Variants in COLQ observed in about 807,000 individuals in gnomAD.
The protein encoded by COLQ is acetylcholinesterase collagenic tail peptide.
COLQ carries 48 observed loss-of-function variants against 69.0 expected under a neutral mutation model. The observed-to-expected ratio is 0.70, with a 90% confidence interval of 0.55 to 0.88. The LOEUF (loss-of-function observed/expected upper bound fraction) is 0.88, where lower values mean the gene tolerates loss of function less well. Among genes scored for constraint, COLQ ranks in the 40% least tolerant of loss-of-function variants. The probability of loss-of-function intolerance (pLI) is 0.00; values close to 1 mark genes in which losing one functional copy is unlikely to be tolerated. For missense variants in COLQ, 618 were observed against 594.6 expected (o/e 1.04, Z -0.41); for synonymous variants, 217 against 211.2 (o/e 1.03, Z -0.24).
intron 5 of COLQ, chr3:15,477,628 C>G (rs2062402790): frequency 5.5e-6 from 1 of 182,750 alleles, no homozygotes; most frequent in African/African-American, 2.4e-5. Flanking sequence ...GGCTACCTTC[C>G]TTGCTGCTAA....
chr3:15,497,413 T>G (rs1559528174), intron 1 of COLQ, among the ~76,000 whole-genome samples: 1 of 152,154 alleles, frequency 6.6e-6, no homozygotes, highest in Non-Finnish European at 1.5e-5. Flanking sequence ...TCTACCCTCT[T>G]GCAAGGCCAG....
intron 1 of COLQ, among the ~76,000 whole-genome samples, chr3:15,517,012 C>T (rs545471471): frequency 4.6e-5 from 7 of 152,188 alleles, no homozygotes; most frequent in Admixed American, 2.0e-4. Flanking sequence ...CTTGGTGGCA[C>T]GTGCCTGTAC....
chr3:15,458,055 C>G, intron 13 of COLQ, 131 bp downstream of exon 13: 2 of 950,814 alleles, frequency 2.1e-6, no homozygotes, highest in Non-Finnish European at 3.4e-6. Context: ...TTTCCAATTT[C>G]CTATAATGAG....
intron 5 of COLQ, among the ~76,000 whole-genome samples, chr3:15,478,277 T>A (rs151167677): frequency 8.3e-4 from 127 of 152,346 alleles, no homozygotes; most frequent in Non-Finnish European, 1.1e-3. Flanking sequence ...CTTGCAAAAG[T>A]CTGTTTAAGG....
intron 1 of COLQ, chr3:15,498,851 C>A (rs2062790408): frequency 7.1e-7 from 1 of 1,408,380 alleles, no homozygotes; most frequent in African/African-American, 1.4e-5. Flanking sequence ...GACAAGAGTG[C>A]CTTCAGCCCA....
At chr3:15,469,382 A>G (rs537797841) in intron 11 of COLQ, among the ~76,000 whole-genome samples, 3 of 152,342 alleles carry the variant, frequency 2.0e-5, no homozygotes, top group East Asian at 3.9e-4. Flanking sequence ...ATAAAGTGAT[A>G]TAAGAAAAGA....
intron 12 of COLQ, among the ~76,000 whole-genome samples, chr3:15,459,689 G>A (rs1368999285): frequency 2.6e-5 from 4 of 151,890 alleles, no homozygotes; most frequent in African/African-American, 9.7e-5. Flanking sequence ...CTGTTGGCCA[G>A]GCTGGTCTCG....
At chr3:15,488,114 A>G (rs2062603755) in intron 3 of COLQ, 92 bp downstream of exon 3, 2 of 924,230 alleles carry the variant, frequency 2.2e-6, no homozygotes, top group African/African-American at 1.6e-5. Flanking sequence ...TTTGTATCAC[A>G]TGAGAAAGAG....
intron 10 of COLQ, among the ~76,000 whole-genome samples, chr3:15,472,887 G>C (rs1484411121): frequency 6.7e-6 from 1 of 149,706 alleles, no homozygotes; most frequent in Non-Finnish European, 1.5e-5. Flanking sequence ...CAGAGACATG[G>C]TCTTTCTCTG....
chr3:15,510,351 T>A (rs1274994845), intron 1 of COLQ, among the ~76,000 whole-genome samples: 1 of 152,096 alleles, frequency 6.6e-6, no homozygotes, highest in Non-Finnish European at 1.5e-5. Context: ...TTTATCCTCA[T>A]CACCGTCTAA....
Position 15,455,888 on chromosome 3 carries a change from G to T in COLQ, c.1195+11C>A. 6.2e-7 allele frequency: 1 copy of T among 1,613,986 alleles called. No homozygotes were observed. Among genetic ancestry groups the T allele is most frequent in the East Asian group, 2.2e-5 (1 of 44,870 alleles). ...CAGGCCTCAGGTCCTCCTGGTCTGG[G>T]CCTCACTCACGGATGCAGTCGTCAC... is the stretch of plus-strand genomic sequence containing the variant. On this transcript the variant is annotated intron_variant, in intron 15 of 16. Transcript: ENST00000383788.
intron 1 of COLQ, chr3:15,498,577 G>A (rs962999794): frequency 5.2e-6 from 8 of 1,551,836 alleles, no homozygotes; most frequent in East Asian, 2.4e-5. Context: ...GCTGAATGAT[G>A]AGCCCGTCAT....
chr3:15,461,635 G>A (rs1467358246), intron 12 of COLQ, among the ~76,000 whole-genome samples: 1 of 152,152 alleles, frequency 6.6e-6, no homozygotes, highest in African/African-American at 2.4e-5. Flanking sequence ...CTCTAGGGCC[G>A]CCTGGCTGAC....
intron 1 of COLQ, among the ~76,000 whole-genome samples, chr3:15,511,937 C>T (rs893282209): frequency 2.0e-5 from 3 of 152,170 alleles, no homozygotes; most frequent in South Asian, 2.1e-4. Flanking sequence ...GGAACAAACC[C>T]GGAATCCTAG....
intron 1 of COLQ, among the ~76,000 whole-genome samples, chr3:15,520,665 C>T (rs545417647): frequency 1.3e-5 from 2 of 152,342 alleles, no homozygotes; most frequent in Admixed American, 1.3e-4. Flanking sequence ...CCTCCGGAAA[C>T]ATTTGAGTTT....
rs3773459 is a variant in COLQ at position 15,454,137 on chromosome 3, T to C, written c.1196-206A>G. Among the ~76,000 whole-genome samples the C allele has an allele frequency of 0.38, 56,902 of 151,704 alleles. 10,669 individuals carry two copies. Among genetic ancestry groups the C allele is most frequent in the East Asian group, 0.49 (2,504 of 5,124 alleles). ...GTGCCATGGGACAAGAAGAAGGAGA[T>C]CCTGGCTCCAGCCCCGCCTCACAAC... On this transcript the variant is annotated intron_variant, in intron 15 of 16. Transcript: ENST00000383788.
At chr3:15,498,677 G>T in intron 1 of COLQ, 1 of 1,549,542 alleles carries the variant, frequency 6.5e-7, no homozygotes, top group Non-Finnish European at 8.7e-7. Context: ...CCCAGTGCCT[G>T]GCCTGTTTGG....
At chr3:15,461,815 C>T (rs1285094404) in intron 12 of COLQ, among the ~76,000 whole-genome samples, 1 of 151,920 alleles carries the variant, frequency 6.6e-6, no homozygotes, top group Non-Finnish European at 1.5e-5. Context: ...GGCGCTGGGA[C>T]AGGGGTTCTG....
In COLQ at chr3:15,473,048, G is replaced by A. The variant is rs142297272; in HGVS notation, c.636+952C>T. On this transcript the variant is annotated intron_variant, in intron 10 of 16. Transcript: ENST00000383788. The surrounding 1 kb of genome is among the most constrained non-coding windows in gnomAD (Gnocchi z 4.0). ...CTAATTTTTTTTTTTTTAGAGATGA[G>A]ATAGTACTATATTGCCCAAGCTGAG... Among the ~76,000 whole-genome samples the A allele has an allele frequency of 6.7e-4, 101 of 151,298 alleles. No individual in the cohort carries two copies. Among genetic ancestry groups the A allele is most frequent in the African/African-American group, 2.3e-3 (96 of 41,148 alleles).
Sources: allele counts gnomAD v4.1 joint callset (sites outside exome capture counted in the v4.1 genomes callset), GRCh38; gene constraint gnomAD v4.1.1; non-coding constraint Gnocchi (gnomAD v3.1); transcripts MANE v1.5; gene names NCBI Gene and HGNC (gene_info 2026-07-23, HGNC 2026-07-21).